The following CARMIL1 variants were observed in gnomAD, a reference collection of about 807,000 sequenced individuals.
The protein encoded by CARMIL1 is F-actin-uncapping protein LRRC16A.
A neutral mutation model predicts 177.1 loss-of-function variants in CARMIL1; 90 were observed. That is an observed-to-expected ratio of 0.51 (90% CI 0.43 to 0.61). The LOEUF is 0.61. Among genes scored for constraint, CARMIL1 ranks in the 20% least tolerant of loss-of-function variants. The pLI, the probability that CARMIL1 is intolerant of heterozygous loss-of-function variation, is 0.00. For missense variants in CARMIL1, 1,380 were observed against 1,667.0 expected, an observed-to-expected ratio of 0.83 and a Z score of 3.00; for synonymous variants, 577 against 606.2, an observed-to-expected ratio of 0.95 and a Z score of 0.71.
At chr6:25,556,212 CTCT>C (rs1206593032) in intron 28 of CARMIL1, among the ~76,000 whole-genome samples, 2 of 152,100 alleles carry the variant, frequency 1.3e-5, no homozygotes, top group Non-Finnish European at 2.9e-5. Context: ...CTTATTCTAC[CTCT>C]TATTTAATTT....
chr6:25,593,744 A>G (rs1026001997), intron 31 of CARMIL1, among the ~76,000 whole-genome samples: 2 of 152,158 alleles, frequency 1.3e-5, no homozygotes, highest in African/African-American at 2.4e-5. Flanking sequence ...CATATGCCTC[A>G]CATAACTGCA....
In CARMIL1 at chr6:25,577,821, G is replaced by T. The variant is rs560144563; in HGVS notation, c.2743-3103G>T. ...GAGTAATGTAGGCATTGATGCTTTT[G>T]GATTCTCAGAAAATAGAGTTGTGGC... On this transcript the variant is annotated intron_variant, in intron 29 of 36. Coordinates refer to ENST00000329474, the MANE Select transcript of CARMIL1 (RefSeq NM_017640.6). The surrounding 1 kb of genome is among the most constrained non-coding windows in gnomAD (Gnocchi z 4.5). Among the ~76,000 whole-genome samples, 2 of 152,158 alleles carry T rather than the reference G, an allele frequency of 1.3e-5. No homozygotes were observed. Among genetic ancestry groups the T allele is most frequent in the Admixed American group, 1.3e-4 (2 of 15,288 alleles).
At chr6:25,463,673 A>C (rs923269988) in intron 8 of CARMIL1, among the ~76,000 whole-genome samples, 1 of 152,234 alleles carries the variant, frequency 6.6e-6, no homozygotes, top group Non-Finnish European at 1.5e-5. Context: ...CTGTAATAAG[A>C]TGGAATTCAC....
intron 5 of CARMIL1, among the ~76,000 whole-genome samples, chr6:25,441,331 A>ATGTGTGTGTGTGTG (rs1296177997): frequency 2.1e-4 from 9 of 43,226 alleles, no homozygotes; most frequent in African/African-American, 7.7e-4. Flanking sequence ...ATATATATAT[A>ATGTGTGTGTGTGTG]TATATATGTG....
chr6:25,355,301 C>T (rs1788487641), intron 2 of CARMIL1, among the ~76,000 whole-genome samples: 1 of 152,122 alleles, frequency 6.6e-6, no homozygotes, highest in Non-Finnish European at 1.5e-5. Flanking sequence ...CTACTTTCCT[C>T]CTGATTACCT....
intron 31 of CARMIL1, among the ~76,000 whole-genome samples, chr6:25,582,763 A>G (rs981386140): frequency 1.3e-5 from 2 of 152,150 alleles, no homozygotes; most frequent in Admixed American, 6.5e-5. Context: ...CCACTTCTCT[A>G]TACTTCTCTG....
intron 1 of CARMIL1, among the ~76,000 whole-genome samples, chr6:25,281,136 G>GCACACACACACA (rs1554148590): frequency 2.6e-4 from 35 of 132,192 alleles, no homozygotes; most frequent in African/African-American, 8.9e-4. Flanking sequence ...GTGCGCGCGC[G>GCACACACACACA]CACACACACA....
chr6:25,563,305 G>A, intron 29 of CARMIL1: 1 of 985,348 alleles, frequency 1.0e-6, no homozygotes, highest in Non-Finnish European at 1.2e-6. Flanking sequence ...TAGAATAAAA[G>A]ATCAAATCCC....
At chr6:25,281,124 GTGTGCGCGCGCGCACACACA>G (rs1276092767) in intron 1 of CARMIL1, among the ~76,000 whole-genome samples, 1 of 44,402 alleles carries the variant, frequency 2.3e-5, no homozygotes, top group Non-Finnish European at 5.0e-5. Context: ...ACGCACGCGC[GTGTGCGCGCGCGCACACACA>G]CACACACACA....
chr6:25,348,040 A>T (rs1787711774), intron 2 of CARMIL1, among the ~76,000 whole-genome samples: 1 of 152,240 alleles, frequency 6.6e-6, no homozygotes, highest in African/African-American at 2.4e-5. Flanking sequence ...TAAAGAAACC[A>T]GTTTGGCCAC....
intron 32 of CARMIL1, among the ~76,000 whole-genome samples, chr6:25,596,315 A>G (rs1007968297): frequency 3.3e-5 from 5 of 152,218 alleles, no homozygotes; most frequent in African/African-American, 9.6e-5. Flanking sequence ...AAATTTCTTT[A>G]TAAATAGATT....
chr6:25,357,209 G>A (rs1413113687), intron 2 of CARMIL1, among the ~76,000 whole-genome samples: 3 of 152,026 alleles, frequency 2.0e-5, no homozygotes, highest in African/African-American at 7.2e-5. Context: ...CACTTAGATG[G>A]TTGTTGTCAG....
At chr6:25,377,885 A>G (rs1927695) in intron 2 of CARMIL1, among the ~76,000 whole-genome samples, 26,262 of 152,086 alleles carry the variant, frequency 0.17, 2,295 homozygotes, top group Middle Eastern at 0.25. Context: ...GGTAGGATTT[A>G]TGCTTTGCCT....
chr6:25,546,983 A>G (rs899412542), intron 26 of CARMIL1, among the ~76,000 whole-genome samples: 11 of 150,310 alleles, frequency 7.3e-5, no homozygotes, highest in African/African-American at 2.7e-4. Flanking sequence ...TGAACCCGGG[A>G]GATGGAAGTT....
At chr6:25,398,886 A>T (rs1057495636) in intron 2 of CARMIL1, among the ~76,000 whole-genome samples, 3 of 152,172 alleles carry the variant, frequency 2.0e-5, no homozygotes, top group Non-Finnish European at 4.4e-5. Flanking sequence ...TTCAAATTCT[A>T]ACTCTTATCA....
chr6:25,426,332 A>G lies in CARMIL1; in HGVS notation c.190-169A>G, dbSNP rs572878324. ...ATAAATCATGTTTCTATCTTGTTGA[A>G]TGAATGGAGATATTAAACCAGCCCG... On this transcript the variant is annotated intron_variant, in intron 3 of 36. Coordinates refer to ENST00000329474, the MANE Select transcript of CARMIL1 (RefSeq NM_017640.6). Among the ~76,000 whole-genome samples the G allele has an allele frequency of 2.6e-5, 4 of 151,992 alleles. No homozygotes were observed. In the South Asian group the frequency reaches 8.3e-4, roughly 32 times the overall value.
intron 27 of CARMIL1, among the ~76,000 whole-genome samples, chr6:25,553,689 T>A (rs1810349418): frequency 6.6e-6 from 1 of 152,216 alleles, no homozygotes; most frequent in Non-Finnish European, 1.5e-5. Flanking sequence ...ATGGATGAAT[T>A]GTTCCTCACC....
intron 23 of CARMIL1, among the ~76,000 whole-genome samples, chr6:25,525,555 CAG>C (rs1023663375): frequency 1.3e-5 from 2 of 151,976 alleles, no homozygotes; most frequent in African/African-American, 4.8e-5. Context: ...GGAAGAGTAT[CAG>C]AGGGAATAAA....
chr6:25,329,986 A>G (rs1785465802), intron 2 of CARMIL1, among the ~76,000 whole-genome samples: 1 of 152,220 alleles, frequency 6.6e-6, no homozygotes, highest in African/African-American at 2.4e-5. Flanking sequence ...TCAGACATTC[A>G]TTGTTAAAAG....
Sources: allele counts gnomAD v4.1 joint callset (sites outside exome capture counted in the v4.1 genomes callset), GRCh38; gene constraint gnomAD v4.1.1; non-coding constraint Gnocchi (gnomAD v3.1); transcripts MANE v1.5; gene names NCBI Gene and HGNC (gene_info 2026-07-23, HGNC 2026-07-21).